Variants in TANC2 observed in about 807,000 individuals in gnomAD.
TANC2 encodes the protein tetratricopeptide repeat, ankyrin repeat and coiled-coil containing 2.
Under a neutral mutation model 210.5 loss-of-function variants are expected in TANC2, and 26 were observed. That is an observed-to-expected ratio of 0.12 (90% CI 0.09 to 0.17). The LOEUF is 0.17. Among genes scored for constraint, TANC2 ranks in the 10% least tolerant of loss-of-function variants. The pLI is 1.00. For synonymous variants in TANC2, 931 were observed against 967.1 expected (o/e 0.96, Z 0.69); for missense variants, 2,129 against 2,608.9 (o/e 0.82, Z 4.01).
intron 3 of TANC2, among the ~76,000 whole-genome samples, chr17:63,097,082 C>T (rs567715241): frequency 2.0e-5 from 3 of 151,704 alleles, no homozygotes; most frequent in African/African-American, 7.3e-5. Flanking sequence ...ACTCTGTCAC[C>T]CAGGCTAGAG....
chr17:63,114,554 T>A (rs183026447), intron 4 of TANC2, among the ~76,000 whole-genome samples: 1 of 152,194 alleles, frequency 6.6e-6, no homozygotes, highest in African/African-American at 2.4e-5. Flanking sequence ...CAACCCCGCG[T>A]AGAAAGTTGG....
chr17:62,973,336 CAT>C (rs1356453357), intron 1 of TANC2, among the ~76,000 whole-genome samples: 1 of 152,184 alleles, frequency 6.6e-6, no homozygotes, highest in Non-Finnish European at 1.5e-5. Flanking sequence ...CCGGCCGTAA[CAT>C]ATTTTAAATA....
At chr17:63,000,454 T>C (rs948804962) in intron 1 of TANC2, among the ~76,000 whole-genome samples, 5 of 152,170 alleles carry the variant, frequency 3.3e-5, no homozygotes, top group Admixed American at 6.5e-5. Flanking sequence ...GTTAATAATA[T>C]AGCAGAAGAA....
chr17:63,344,110 G>A (rs900249839), intron 12 of TANC2, among the ~76,000 whole-genome samples: 54 of 152,150 alleles, frequency 3.5e-4, no homozygotes, highest in African/African-American at 1.2e-3. Flanking sequence ...CCTGAGCTCC[G>A]CCTTCTGTCA....
intron 8 of TANC2, among the ~76,000 whole-genome samples, chr17:63,255,350 C>A (rs2043163560): frequency 2.0e-5 from 3 of 152,104 alleles, no homozygotes; most frequent in Non-Finnish European, 1.5e-5. Flanking sequence ...CCTCGGCCTC[C>A]CAAAGTGCTG....
chr17:63,055,868 G>A (rs1488402256), intron 2 of TANC2, among the ~76,000 whole-genome samples: 3 of 146,992 alleles, frequency 2.0e-5, no homozygotes, highest in Non-Finnish European at 3.0e-5. Flanking sequence ...TCTAAGGCCA[G>A]GTGCAGTGCT....
intron 14 of TANC2, among the ~76,000 whole-genome samples, chr17:63,358,123 T>C (rs1187471667): frequency 6.6e-6 from 1 of 152,190 alleles, no homozygotes; most frequent in Admixed American, 6.5e-5. Flanking sequence ...TGCTTCTGCC[T>C]GAGCTGAAAA....
At chr17:63,376,377 GT>G (rs1164619769) in intron 14 of TANC2, among the ~76,000 whole-genome samples, 3 of 152,080 alleles carry the variant, frequency 2.0e-5, no homozygotes, top group Admixed American at 6.6e-5. Context: ...CATAGGGGCA[GT>G]TTCCCCCATG....
At chr17:63,291,025 AT>A (rs2044367632) in intron 9 of TANC2, among the ~76,000 whole-genome samples, 1 of 152,104 alleles carries the variant, frequency 6.6e-6, no homozygotes, top group African/African-American at 2.4e-5. Context: ...AAAAAAAAAA[AT>A]TCATACTGTC....
At chr17:63,152,633 T>C (rs2039692916) in intron 5 of TANC2, 1 of 152,198 alleles carries the variant, frequency 6.6e-6, no homozygotes, top group African/African-American at 2.4e-5. Context: ...TTTGAGGTAT[T>C]GTCACGCTTC....
At position 63,267,825 on chromosome 17, in the gene TANC2, A is replaced by G. The variant is rs766681632; in HGVS notation, c.1111A>G (p.Met371Val). ...TACACCTTTGAGAACTTCTCTACGA[A>G]TGCCAAGACAGAGCATGGGTGGTGC... Residue 371 changes from methionine to valine, a missense_variant, in exon 9 of 28, where the codon ATG becomes GTG. Around this residue, in one of 5 missense-constraint regions of TANC2, gnomAD observed 739 missense variants for 848.0 expected, o/e 0.87. Coordinates refer to ENST00000689528, the Ensembl canonical transcript of TANC2. 5.6e-6 allele frequency: 9 copies of G among 1,613,176 alleles called. No homozygotes were observed. The Middle Eastern group carries it at 6.6e-4, about 119-fold the overall frequency.
intron 14 of TANC2, among the ~76,000 whole-genome samples, chr17:63,362,727 A>C (rs1346145476): frequency 6.6e-6 from 1 of 152,192 alleles, no homozygotes; most frequent in African/African-American, 2.4e-5. Flanking sequence ...CTCCGAAATC[A>C]GAGTGGGCAC....
chr17:63,358,379 A>ATGTGTG (rs375498280), intron 14 of TANC2, among the ~76,000 whole-genome samples: 6,046 of 139,472 alleles, frequency 0.043, 209 homozygotes, highest in African/African-American at 0.086. Flanking sequence ...GAGAGAGAGT[A>ATGTGTG]TGTGTGTGTG....
At chr17:63,270,349 A>G (rs942286683) in intron 9 of TANC2, among the ~76,000 whole-genome samples, 11 of 152,194 alleles carry the variant, frequency 7.2e-5, no homozygotes, top group African/African-American at 2.7e-4. Context: ...CTGCTTGGCA[A>G]GCCTTTATAA....
At chr17:63,001,529 T>TC in intron 1 of TANC2, among the ~76,000 whole-genome samples, 1 of 138,390 alleles carries the variant, frequency 7.2e-6, no homozygotes, top group Middle Eastern at 3.7e-3. Context: ...TCTTTTCTTT[T>TC]CTTTTTTTTT....
chr17:63,414,151 C>T (rs1475956254), intron 25 of TANC2: 1 of 152,410 alleles, frequency 6.6e-6, no homozygotes, highest in African/African-American at 2.4e-5. Context: ...TTTTTGTACT[C>T]ACAGTCCAAG....
intron 4 of TANC2, among the ~76,000 whole-genome samples, chr17:63,123,558 C>CAAA (rs560638545): frequency 6.9e-4 from 69 of 99,936 alleles, no homozygotes; most frequent in Non-Finnish European, 7.2e-4. Context: ...GATTCTGTCT[C>CAAA]AAAAAAAAAA....
chr17:63,204,545 A>G (rs1378148066), intron 7 of TANC2, among the ~76,000 whole-genome samples: 1 of 151,958 alleles, frequency 6.6e-6, no homozygotes, highest in Non-Finnish European at 1.5e-5. Flanking sequence ...CAGGAGGATC[A>G]TTTGAGCCAG....
chr17:63,082,762 G>T (rs1430043788), intron 3 of TANC2, among the ~76,000 whole-genome samples: 1 of 152,100 alleles, frequency 6.6e-6, no homozygotes, highest in Admixed American at 6.5e-5. Context: ...CCATCCCTTT[G>T]TTAATGAGGG....
Sources: gnomAD v4.1 joint callset for allele counts (sites outside exome capture counted in the v4.1 genomes callset) on GRCh38, gnomAD v4.1.1 for gene constraint, gnomAD v4.1.1 regional missense constraint, MANE v1.5 for transcripts, NCBI Gene and HGNC (gene_info 2026-07-23, HGNC 2026-07-21) for gene names.